Variants in PCDHA9 observed in about 807,000 individuals in gnomAD.
The protein encoded by PCDHA9 is protocadherin alpha-9.
Under a neutral mutation model 62.0 loss-of-function variants are expected in PCDHA9, and 62 were observed. The ratio of observed to expected loss-of-function variants is 1.00; its 90% CI spans 0.81 to 1.23. PCDHA9 has a LOEUF of 1.23. Ranked by LOEUF, PCDHA9 falls within the 50% of genes most tolerant of loss-of-function variation. The probability of loss-of-function intolerance (pLI) is 0.00; values close to 1 mark genes in which losing one functional copy is unlikely to be tolerated. For missense variants in PCDHA9, 1,205 were observed against 1,249.8 expected (o/e 0.96, Z 0.54); for synonymous variants, 557 against 567.6 (o/e 0.98, Z 0.27).
At chr5:140,966,811 G>T (rs377370256) in intron 1 of PCDHA9, 6 of 1,549,722 alleles carry the variant, frequency 3.9e-6, no homozygotes, top group African/African-American at 1.4e-5. Context: ...AGCATCCACG[G>T]CTCCGGCGGC....
intron 1 of PCDHA9, chr5:140,883,585 C>T (rs782326010): frequency 4.3e-6 from 7 of 1,613,932 alleles, no homozygotes; most frequent in East Asian, 4.5e-5. Flanking sequence ...GGGCCACGGC[C>T]AGCGTGTCGG....
rs2150496669 is a variant in PCDHA9 at position 140,850,740 on chromosome 5, T to C, written c.2245T>C (p.Ser749Pro). 3.8e-6 allele frequency: 6 copies of C among 1,597,446 alleles called. No individual in the cohort carries two copies. In the South Asian group the frequency reaches 4.4e-5, roughly 12 times the overall value. The change falls in exon 1 of 4, where the codon TCG becomes CCG. Residue 749 changes from serine to proline, a missense_variant. This residue lies in a region of PCDHA9 where 887 missense variants were observed against 809.5 expected (regional missense o/e 1.10). Transcript: ENST00000532602. ...GTGTTCTAGCGCGGTGGGGAGTTGG[T>C]CGTACTCGCAGCAGAGGAGGCAGAG... ...LVCSSAVGSW[S>P]YSQQRRQRVC...
At chr5:140,997,986 A>C (rs1554256110) in intron 3 of PCDHA9, among the ~76,000 whole-genome samples, 2 of 152,186 alleles carry the variant, frequency 1.3e-5, no homozygotes, top group African/African-American at 4.8e-5. Flanking sequence ...CACTTGTTAC[A>C]TACTTCCCTC....
chr5:140,883,109 T>A (rs782237873), intron 1 of PCDHA9: 1 of 1,613,962 alleles, frequency 6.2e-7, no homozygotes, highest in Non-Finnish European at 8.5e-7. Context: ...AGTTTACTCA[T>A]TTAGAAGGCC....
chr5:140,928,533 T>C (rs112671808), intron 1 of PCDHA9: 1 of 1,614,230 alleles, frequency 6.2e-7, no homozygotes, highest in African/African-American at 1.3e-5. Flanking sequence ...TTGTGGTAGA[T>C]AGGAATGACA....
Position 140,850,131 on chromosome 5 carries a change from G to A in PCDHA9, c.1636G>A (p.Gly546Ser), listed in dbSNP as rs2150469102. The A allele has an allele frequency of 2.5e-6, 4 of 1,595,702 alleles. No individual in the cohort carries two copies. Among genetic ancestry groups the A allele is most frequent in the Admixed American group, 1.7e-5 (1 of 59,304 alleles). The change falls in exon 1 of 4, where the codon GGC becomes AGC. Residue 546 changes from glycine to serine, a missense_variant. This residue lies in a region of PCDHA9 where 887 missense variants were observed against 809.5 expected (regional missense o/e 1.10). Coordinates refer to ENST00000532602, the MANE Select transcript of PCDHA9 (RefSeq NM_031857.2). ...GCGCGACGCGGGCGTGCCGCCTCTGGGCAGCAACGTGACGCTGCAGGTGTT... is the reference window on the plus strand; with the variant it reads ...GCGCGACGCGGGCGTGCCGCCTCTGAGCAGCAACGTGACGCTGCAGGTGTT... ...SARDAGVPPL[G>S]SNVTLQVFVL...
intron 1 of PCDHA9, chr5:140,968,346 C>T: frequency 6.2e-7 from 1 of 1,614,090 alleles, no homozygotes. Flanking sequence ...ATTAACAGTG[C>T]CAGTGGCAGC....
At chr5:140,882,143 C>T in intron 1 of PCDHA9, 1 of 1,494,048 alleles carries the variant, frequency 6.7e-7, no homozygotes, top group Non-Finnish European at 8.9e-7. Context: ...GAAAATATAG[C>T]AGAAAGCGGA....
chr5:141,009,060 G>C (rs1192687086), intron 3 of PCDHA9, among the ~76,000 whole-genome samples: 4 of 152,176 alleles, frequency 2.6e-5, no homozygotes, highest in Non-Finnish European at 5.9e-5. Context: ...AATCACAACT[G>C]TATTCTTTAG....
At chr5:140,955,241 A>T (rs1554221829) in intron 1 of PCDHA9, among the ~76,000 whole-genome samples, 1 of 152,114 alleles carries the variant, frequency 6.6e-6, no homozygotes, top group East Asian at 1.9e-4. Context: ...TTTGCTTAGG[A>T]TCGGCTTGGC....
rs141028628 is a variant in PCDHA9 at position 140,891,378 on chromosome 5, T to A, written c.2394+40489T>A. Among the ~76,000 whole-genome samples the A allele has an allele frequency of 2.3e-4, 35 of 152,222 alleles. 1 individual carries two copies. The East Asian group carries it at 6.8e-3, about 29-fold the overall frequency. On this transcript the variant is annotated intron_variant, in intron 1 of 3. Coordinates refer to ENST00000532602, the MANE Select transcript of PCDHA9 (RefSeq NM_031857.2). ...CACCTGAGCAGTATACATTGCACCA[T>A]ATTTGCAATCTTTTATCCCTCGCCA...
intron 3 of PCDHA9, among the ~76,000 whole-genome samples, chr5:141,005,701 CAAAAAAAAAAAAAAAAA>C (rs59860837): frequency 2.6e-4 from 2 of 7,786 alleles, no homozygotes; most frequent in East Asian, 6.3e-3. Flanking sequence ...AACTCCGTCT[CAAAAAAAAAAAAAAAAA>C]AAAAAAAAAA....
intron 1 of PCDHA9, chr5:140,969,402 T>C: frequency 6.3e-7 from 1 of 1,579,638 alleles, no homozygotes; most frequent in Non-Finnish European, 8.6e-7. Flanking sequence ...TCCTGTGATT[T>C]GGCTTTATTG....
chr5:140,985,139 G>A (rs782548607), intron 3 of PCDHA9, among the ~76,000 whole-genome samples: 6 of 152,126 alleles, frequency 3.9e-5, no homozygotes, highest in South Asian at 2.1e-4. Flanking sequence ...GGGTTTCACC[G>A]TGTTAGCCAG....
At chr5:140,939,965 C>T (rs565275285) in intron 1 of PCDHA9, among the ~76,000 whole-genome samples, 1 of 152,100 alleles carries the variant, frequency 6.6e-6, no homozygotes, top group African/African-American at 2.4e-5. Context: ...TAAAGTGTTC[C>T]ACGATGAATA....
chr5:140,890,990 A>T (rs782516672), intron 1 of PCDHA9, among the ~76,000 whole-genome samples: 1 of 152,142 alleles, frequency 6.6e-6, no homozygotes, highest in African/African-American at 2.4e-5. Flanking sequence ...TCTTTATTTC[A>T]TCATAATTAT....
At chr5:140,910,311 A>G (rs928675389) in intron 1 of PCDHA9, among the ~76,000 whole-genome samples, 4 of 152,224 alleles carry the variant, frequency 2.6e-5, no homozygotes, top group African/African-American at 9.6e-5. Context: ...AGAGATCTAC[A>G]TGAGTCAGAC....
intron 1 of PCDHA9, among the ~76,000 whole-genome samples, chr5:140,926,141 A>G (rs2082938262): frequency 6.6e-6 from 1 of 152,038 alleles, no homozygotes; most frequent in Non-Finnish European, 1.5e-5. Flanking sequence ...AGCAGGATCC[A>G]GCGCGGAAAG....
At chr5:140,967,233 A>G in intron 1 of PCDHA9, 1 of 1,613,728 alleles carries the variant, frequency 6.2e-7, no homozygotes, top group South Asian at 1.1e-5. Context: ...TACCAGCTTC[A>G]GGTAAGCGAA....
Sources: gnomAD v4.1 joint callset for allele counts (sites outside exome capture counted in the v4.1 genomes callset) on GRCh38, gnomAD v4.1.1 for gene constraint, gnomAD v4.1.1 regional missense constraint, MANE v1.5 for transcripts, NCBI Gene and HGNC (gene_info 2026-07-23, HGNC 2026-07-21) for gene names.